GLMN: variants seen among roughly 807,000 people sequenced by gnomAD.
The protein encoded by GLMN is glomulin, FKBP associated protein, also known as glomulin.
In GLMN, 75 loss-of-function variants were observed where a neutral mutation model predicts 87.8. The observed-to-expected ratio is 0.85, with a 90% CI of 0.71 to 1.04. The LOEUF (loss-of-function observed/expected upper bound fraction) is 1.04, where lower values mean the gene tolerates loss of function less well. Among genes scored for constraint, GLMN ranks in the 50% least tolerant of loss-of-function variants. The probability of loss-of-function intolerance (pLI) is 0.00; values close to 1 mark genes in which losing one functional copy is unlikely to be tolerated. For missense variants in GLMN, 588 were observed against 658.8 expected, an observed-to-expected ratio of 0.89 and a Z score of 1.18; for synonymous variants, 206 against 221.6, an observed-to-expected ratio of 0.93 and a Z score of 0.63.
chr1:92,337,600 C>T, the GLMN span, among the ~76,000 whole-genome samples: 4 of 152,092 alleles, frequency 2.6e-5, no homozygotes, highest in Non-Finnish European at 5.9e-5. Flanking sequence ...TTAAAACATT[C>T]TTCTAGAGTC....
At chr1:92,351,260 T>C in the GLMN span, among the ~76,000 whole-genome samples, 3 of 138,182 alleles carry the variant, frequency 2.2e-5, no homozygotes, top group Non-Finnish European at 3.0e-5. Context: ...TAAGCCAAGA[T>C]TGCGCCACTG....
the GLMN span, among the ~76,000 whole-genome samples, chr1:92,353,566 ATGTC>A: frequency 6.6e-6 from 1 of 152,148 alleles, no homozygotes; most frequent in African/African-American, 2.4e-5. Flanking sequence ...AACCATATAA[ATGTC>A]TGAACAGTAG....
At chr1:92,277,362 T>C (rs1272928070) in intron 7 of GLMN, among the ~76,000 whole-genome samples, 1 of 152,224 alleles carries the variant, frequency 6.6e-6, no homozygotes, top group South Asian at 2.1e-4. Flanking sequence ...TACTGTGACA[T>C]ATATATTTGC....
At chr1:92,298,108 T>G (rs1021412634) in intron 1 of GLMN, 79 bp from the exon 2 acceptor site, 6 of 720,122 alleles carry the variant, frequency 8.3e-6, no homozygotes, top group Non-Finnish European at 1.5e-5. Flanking sequence ...GTGTGATAAA[T>G]TATTAGTAAA....
intron 16 of GLMN, among the ~76,000 whole-genome samples, chr1:92,255,733 T>G (rs1654139687): frequency 6.6e-6 from 1 of 152,198 alleles, no homozygotes; most frequent in Middle Eastern, 3.4e-3. Flanking sequence ...AGACACAACA[T>G]ACCAGAATCT....
At chr1:92,288,338 C>T (rs1317542091) in intron 6 of GLMN, among the ~76,000 whole-genome samples, 1 of 152,018 alleles carries the variant, frequency 6.6e-6, no homozygotes, top group East Asian at 1.9e-4. Flanking sequence ...GTATCTATTT[C>T]CCCCACTTTC....
intron 7 of GLMN, among the ~76,000 whole-genome samples, chr1:92,276,572 G>A (rs1647322178): frequency 6.6e-6 from 1 of 152,178 alleles, no homozygotes; most frequent in Admixed American, 6.5e-5. Context: ...TGAGGCAGGA[G>A]AACTGCTTGA....
At chr1:92,337,150 A>G in the GLMN span, among the ~76,000 whole-genome samples, 7 of 152,166 alleles carry the variant, frequency 4.6e-5, no homozygotes, top group Non-Finnish European at 8.8e-5. Flanking sequence ...GCACTGACAC[A>G]GAATAAACTT....
At chr1:92,294,779 A>G (rs1195617355) in intron 3 of GLMN, among the ~76,000 whole-genome samples, 1 of 152,028 alleles carries the variant, frequency 6.6e-6, no homozygotes, top group Non-Finnish European at 1.5e-5. Flanking sequence ...CCTGGGTTCA[A>G]GCAATCCCCC....
the GLMN span, among the ~76,000 whole-genome samples, chr1:92,349,306 A>G: frequency 6.6e-6 from 1 of 152,234 alleles, no homozygotes; most frequent in Non-Finnish European, 1.5e-5. Context: ...TTATATATGA[A>G]TATTGCTAAG....
chr1:92,316,325 G>C, the GLMN span, among the ~76,000 whole-genome samples: 446 of 152,212 alleles, frequency 2.9e-3, no homozygotes, highest in Middle Eastern at 0.01. Flanking sequence ...CACCTCTGTT[G>C]CTTGGTATGC....
intron 18 of GLMN, 34 bp from the exon 19 acceptor site, chr1:92,246,680 C>T: frequency 9.2e-7 from 1 of 1,085,360 alleles, no homozygotes; most frequent in Non-Finnish European, 1.4e-6. Flanking sequence ...GTTATTAATG[C>T]TGCCTTTAAA....
At chr1:92,304,447 G>A in the GLMN span, 2 of 598,434 alleles carry the variant, frequency 3.3e-6, no homozygotes. Context: ...ATATTAAATA[G>A]GATTCTAAAA....
the GLMN span, among the ~76,000 whole-genome samples, chr1:92,344,441 A>G: frequency 6.6e-6 from 1 of 152,194 alleles, no homozygotes; most frequent in African/African-American, 2.4e-5. Flanking sequence ...GCTTTCTTTC[A>G]TTCAAAATTA....
At chr1:92,315,736 G>T in the GLMN span, among the ~76,000 whole-genome samples, 1 of 152,104 alleles carries the variant, frequency 6.6e-6, no homozygotes, top group South Asian at 2.1e-4. Context: ...TAAGGTTTTG[G>T]AGTCAGAAAG....
At position 92,264,176 on chromosome 1, in the gene GLMN, A is replaced by T. The variant is rs868053089; in HGVS notation, c.1299+378T>A. 2.6e-5 allele frequency among the ~76,000 whole-genome samples: 4 copies of T among 152,122 alleles called. No homozygotes were observed. The Middle Eastern group carries it at 0.01, about 388-fold the overall frequency. On this transcript the variant is annotated intron_variant, in intron 14 of 18. Transcript: ENST00000370360. ...ACAAAATCAAAATTCAGCCAGGCGC[A>T]CTGGTGGACACCTGTAGTCCCAATT...
the GLMN span, chr1:92,320,490 C>A: frequency 1.3e-6 from 1 of 764,968 alleles, no homozygotes; most frequent in South Asian, 1.7e-5. Context: ...CCAGGATGGT[C>A]TCAATCTCCT....
At chr1:92,289,512 T>C (rs903579058) in intron 5 of GLMN, among the ~76,000 whole-genome samples, 1 of 152,204 alleles carries the variant, frequency 6.6e-6, no homozygotes, top group African/African-American at 2.4e-5. Context: ...AGATTTTTTT[T>C]CCCTAGAAGA....
At chr1:92,359,043 T>C in the GLMN span, among the ~76,000 whole-genome samples, 1 of 152,256 alleles carries the variant, frequency 6.6e-6, no homozygotes, top group African/African-American at 2.4e-5. Context: ...CTTTGCATTC[T>C]GTATCTTGCC....
Sources: allele counts gnomAD v4.1 joint callset (sites outside exome capture counted in the v4.1 genomes callset), GRCh38; gene constraint gnomAD v4.1.1; transcripts MANE v1.5; gene names NCBI Gene and HGNC (gene_info 2026-07-23, HGNC 2026-07-21).